TCF7: variants seen among roughly 807,000 people sequenced by gnomAD.
TCF7 encodes transcription factor 7.
Under a neutral mutation model 46.8 loss-of-function variants are expected in TCF7, and 19 were observed. That is an observed-to-expected ratio of 0.41 (90% CI 0.28 to 0.60). TCF7 has a LOEUF of 0.60. Among genes scored for constraint, TCF7 ranks in the 20% least tolerant of loss-of-function variants. TCF7 has a pLI of 0.35. For synonymous variants in TCF7, 245 were observed against 213.4 expected (o/e 1.15, Z -1.29); for missense variants, 547 against 504.6 (o/e 1.08, Z -0.81).
chr5:134,114,919 G>T lies in TCF7; in HGVS notation c.13G>T (p.Asp5Tyr). Reference sequence around the variant, plus strand: ...GGCGGAGCGCACCATGCCGCAGCTGGACTCCGGCGGGGGCGGCGCGGGCGG... The same window carrying T: ...GGCGGAGCGCACCATGCCGCAGCTGTACTCCGGCGGGGGCGGCGCGGGCGG... MPQL[D>Y]SGGGGAGGGD... The change falls in exon 1 of 10, where the codon GAC becomes TAC. Residue 5 changes from aspartate (D) to tyrosine (Y), a missense_variant. Physicochemically the swap from Asp to Tyr is radical, Grantham distance 160. Transcript: ENST00000342854. 1 of 1,049,696 alleles carries T rather than the reference G, an allele frequency of 9.5e-7. No homozygotes were observed. Among genetic ancestry groups the T allele is most frequent in the South Asian group, 3.1e-5 (1 of 31,944 alleles). 65.0% of individuals were successfully genotyped at this position (1,049,696 alleles called of 1,614,324 possible).
intron 3 of TCF7, chr5:134,137,765 A>T: frequency 3.6e-6 from 1 of 274,390 alleles, no homozygotes; most frequent in Non-Finnish European, 6.8e-6. Flanking sequence ...AGACAAGCCA[A>T]ACCTGAGATG....
chr5:134,125,859 G>A (rs1463528071), intron 3 of TCF7, among the ~76,000 whole-genome samples: 3 of 152,218 alleles, frequency 2.0e-5, no homozygotes, highest in African/African-American at 7.2e-5. Context: ...GGCAGCACAG[G>A]CCTCTGAGCT....
At chr5:134,113,423 T>TG (rs1755392259), upstream of TCF7, among the ~76,000 whole-genome samples, 1 of 152,234 alleles carries the variant, frequency 6.6e-6, no homozygotes, top group South Asian at 2.1e-4. Context: ...CCAGCCACGC[T>TG]GGGCCTGGAC....
chr5:134,115,048 CT>C lies in TCF7; in HGVS notation c.143del (p.Leu48ArgfsTer9). ...RDSAAGPERD[L>X]AELKSSLVNE... The stretch of plus-strand genomic sequence containing the variant: ...CAGCGCCGCCGGTCCCGAGCGCGAC[CT>C]GGCCGAGCTCAAGTCGTCGCTCGTG... On this transcript the variant is annotated frameshift_variant, in exon 1 of 10. Transcript: ENST00000342854. LOFTEE classifies it high-confidence loss of function. The C allele has an allele frequency of 8.1e-7, 1 of 1,228,842 alleles. No homozygotes were observed. Among genetic ancestry groups the C allele is most frequent in the Non-Finnish European group, 1.0e-6 (1 of 959,914 alleles). The allele number at this position is 1,228,842 out of a possible 1,614,324, so 76.1% of individuals were successfully genotyped here. A position where few individuals can be genotyped will look rare whatever the true frequency, so the allele number is the denominator to read the frequency against.
chr5:134,142,381 C>T, intron 6 of TCF7, 77 bp downstream of exon 6: 1 of 1,465,072 alleles, frequency 6.8e-7, no homozygotes, highest in Non-Finnish European at 9.1e-7. Context: ...TGAGGACTGC[C>T]ACGAGGTCCC....
chr5:134,115,503 CGGCAGAACCCAGG>C, intron 2 of TCF7, 116 bp downstream of exon 2: 1 of 1,482,502 alleles, frequency 6.7e-7, no homozygotes, highest in Non-Finnish European at 9.0e-7. Flanking sequence ...GCTCAGGAGG[CGGCAGAACCCAGG>C]GGTGGAGAGT....
intron 3 of TCF7, among the ~76,000 whole-genome samples, chr5:134,131,055 G>T (rs1466571698): frequency 6.6e-6 from 1 of 152,180 alleles, no homozygotes; most frequent in Non-Finnish European, 1.5e-5. Context: ...TCTCATTTAT[G>T]TGAGTCCTGA....
chr5:134,144,963 C>T, intron 9 of TCF7: 3 of 1,125,510 alleles, frequency 2.7e-6, no homozygotes, highest in Non-Finnish European at 2.7e-6. Flanking sequence ...CTCCTTTGGC[C>T]CCTCAGCCCA....
chr5:134,117,998 G>T (rs1228282627), intron 3 of TCF7, among the ~76,000 whole-genome samples: 1 of 152,200 alleles, frequency 6.6e-6, no homozygotes, highest in Non-Finnish European at 1.5e-5. Flanking sequence ...GAAGCTGTAT[G>T]TGAATGTAGG....
Position 134,114,872 on chromosome 5 carries a change from C to T in TCF7, c.-35C>T. On this transcript the variant is annotated 5_prime_UTR_variant, in exon 1 of 10. Transcript: ENST00000342854. ...GGCTCCGCGCCCCGCACTCCCGGCG[C>T]CCAGCGCCCCGCGCCCCGGCGGGCG... is the stretch of plus-strand genomic sequence containing the variant. The T allele has an allele frequency of 1.0e-6, 1 of 985,104 alleles. No individual in the cohort carries two copies. The highest frequency in any genetic ancestry group is 1.2e-6 in the Non-Finnish European group (1 of 831,304). 61.0% of individuals were successfully genotyped at this position (985,104 alleles called of 1,614,324 possible).
At chr5:134,116,229 C>G (rs1561647678) in intron 3 of TCF7, 196 bp downstream of exon 3, 1 of 1,232,320 alleles carries the variant, frequency 8.1e-7, no homozygotes, top group Non-Finnish European at 1.1e-6. Flanking sequence ...CCCTGGGGCA[C>G]CCCCCTGCCC....
rs148020244 is a variant in TCF7, at chr5:134,139,010, A to C, written c.607A>C (p.Met203Leu). The C allele has an allele frequency of 5.0e-6, 8 of 1,613,904 alleles. No individual in the cohort carries two copies. Among genetic ancestry groups the C allele is most frequent in the Non-Finnish European group, 5.9e-6 (7 of 1,180,008 alleles). ...SGFYSLTSGS[M>L]GQLPHTVSWF... ...CTTCTACTCCCTGACCTCAGGCAGC[A>C]TGGGGCAGCTCCCCCACACTGTGAG... Residue 203 changes from methionine to leucine, a missense_variant, in exon 5 of 10, where the codon ATG becomes CTG. Transcript: ENST00000342854.
chr5:134,148,093 T>C lies in TCF7; in HGVS notation c.*1790T>C, dbSNP rs1760919442. 1 of 152,558 alleles carries C rather than the reference T, an allele frequency of 6.6e-6. No homozygotes were observed. The highest frequency in any genetic ancestry group is 2.4e-5 in the African/African-American group (1 of 41,424). 9.5% of individuals were successfully genotyped at this position (152,558 alleles called of 1,614,324 possible). ...AATCCAAAGATCACATATTCTAGTG[T>C]AACACTGCAAGAAGTCTTGAGAAAA... On this transcript the variant is annotated 3_prime_UTR_variant, in exon 10 of 10. Transcript: ENST00000342854.
rs750116492 is a variant in TCF7, at chr5:134,148,099, T to C, written c.*1796T>C. The C allele has an allele frequency of 2.0e-5, 3 of 152,452 alleles. No individual in the cohort carries two copies. The highest frequency in any genetic ancestry group is 2.9e-5 in the Non-Finnish European group (2 of 68,030). The allele number at this position is 152,452 out of a possible 1,614,324, so 9.4% of individuals were successfully genotyped here. A position where few individuals can be genotyped will look rare whatever the true frequency, so the allele number is the denominator to read the frequency against. ...AAGATCACATATTCTAGTGTAACAC[T>C]GCAAGAAGTCTTGAGAAAAAGATTA... On this transcript the variant is annotated 3_prime_UTR_variant, in exon 10 of 10. Coordinates refer to ENST00000342854, the MANE Select transcript of TCF7 (RefSeq NM_003202.5).
At chr5:134,122,668 G>A (rs1285411139) in intron 3 of TCF7, among the ~76,000 whole-genome samples, 2 of 152,224 alleles carry the variant, frequency 1.3e-5, no homozygotes, top group East Asian at 1.9e-4. Flanking sequence ...TGCAAGGCAA[G>A]CCGCAGCCCC....
At chr5:134,111,425 G>C (rs1386422432), upstream of TCF7, among the ~76,000 whole-genome samples, 1 of 152,066 alleles carries the variant, frequency 6.6e-6, no homozygotes, top group Non-Finnish European at 1.5e-5. Flanking sequence ...ACCTCCAGGG[G>C]GGCAACCACA....
chr5:134,141,978 T>C, intron 5 of TCF7: 1 of 539,536 alleles, frequency 1.9e-6, no homozygotes, highest in East Asian at 3.3e-5. Context: ...AATGGCAATC[T>C]ATGTAGATTT....
chr5:134,120,270 G>A (rs151822), intron 3 of TCF7, among the ~76,000 whole-genome samples: 97,851 of 152,054 alleles, frequency 0.64, 33,040 homozygotes, highest in Non-Finnish European at 0.77. Context: ...CAGCAACAGC[G>A]TCCAGGGGAC....
At chr5:134,124,837 C>T (rs529130359) in intron 3 of TCF7, among the ~76,000 whole-genome samples, 32 of 152,258 alleles carry the variant, frequency 2.1e-4, no homozygotes, top group African/African-American at 6.5e-4. Flanking sequence ...GGGGTTTACA[C>T]GGTTAGGCCT....
Sources: allele counts gnomAD v4.1 joint callset (sites outside exome capture counted in the v4.1 genomes callset), GRCh38; gene constraint gnomAD v4.1.1; transcripts MANE v1.5; gene names NCBI Gene and HGNC (gene_info 2026-07-23, HGNC 2026-07-21).